PCDH15: variants seen among roughly 807,000 people sequenced by gnomAD.
PCDH15 encodes the protein protocadherin-15.
A neutral mutation model predicts 178.5 loss-of-function variants in PCDH15; 129 were observed. The ratio of observed to expected loss-of-function variants is 0.72; its 90% CI spans 0.63 to 0.84. The LOEUF is 0.84. PCDH15 is among the 40% of genes least tolerant of loss of function. The pLI is 0.00. For missense variants in PCDH15, 2,230 were observed against 2,099.9 expected (o/e 1.06, Z -1.21); for synonymous variants, 800 against 732.0 (o/e 1.09, Z -1.50).
chr10:54,655,902 G>T (rs1490163579), intron 2 of PCDH15: 12 of 151,996 alleles, frequency 7.9e-5, no homozygotes, highest in Admixed American at 7.9e-4. Flanking sequence ...AAAATTATTG[G>T]AGTTAACATT....
At chr10:53,953,342 T>G (rs1460465009) in intron 23 of PCDH15, among the ~76,000 whole-genome samples, 1 of 152,236 alleles carries the variant, frequency 6.6e-6, no homozygotes, top group African/African-American at 2.4e-5. Flanking sequence ...AAAAGATTGA[T>G]GTGAAAAGGT....
chr10:54,232,331 C>A (rs984740308), intron 9 of PCDH15, among the ~76,000 whole-genome samples: 24 of 152,172 alleles, frequency 1.6e-4, no homozygotes, highest in African/African-American at 5.6e-4. Flanking sequence ...TTGAAAGTTT[C>A]CTGAGGCTTC....
At chr10:53,964,750 G>A (rs1254915592) in intron 21 of PCDH15, among the ~76,000 whole-genome samples, 1 of 152,016 alleles carries the variant, frequency 6.6e-6, no homozygotes, top group South Asian at 2.1e-4. Context: ...AAGATTTATA[G>A]AAACAAGGAC....
intron 1 of PCDH15, among the ~76,000 whole-genome samples, chr10:55,279,342 C>T (rs1392303732): frequency 6.6e-6 from 1 of 152,132 alleles, no homozygotes; most frequent in Non-Finnish European, 1.5e-5. Context: ...CAGAAAAGTA[C>T]AGCAAGGACA....
At chr10:55,536,136 T>C (rs878868388) in intron 2 of PCDH15, among the ~76,000 whole-genome samples, 1 of 152,116 alleles carries the variant, frequency 6.6e-6, no homozygotes, top group Non-Finnish European at 1.5e-5. Flanking sequence ...AATTTTAAGA[T>C]GCCTAAAGGA....
intron 24 of PCDH15, among the ~76,000 whole-genome samples, chr10:53,939,505 G>A (rs1280186829): frequency 6.6e-6 from 1 of 151,764 alleles, no homozygotes; most frequent in African/African-American, 2.4e-5. Flanking sequence ...TGAAAATCAG[G>A]GCACTTTGGT....
intron 22 of PCDH15, 86 bp downstream of exon 22, chr10:53,961,666 A>C: frequency 9.9e-7 from 1 of 1,010,280 alleles, no homozygotes; most frequent in South Asian, 2.9e-5. Flanking sequence ...AAATTGAAAG[A>C]AAAAAATGTG....
chr10:54,692,153 T>G (rs1336196), intron 1 of PCDH15, among the ~76,000 whole-genome samples: 79,355 of 151,894 alleles, frequency 0.52, 21,555 homozygotes, highest in Non-Finnish European at 0.61. Context: ...ATTATATTAT[T>G]ATATTCATCT....
At chr10:53,976,582 A>C (rs2090200456) in intron 21 of PCDH15, among the ~76,000 whole-genome samples, 1 of 152,120 alleles carries the variant, frequency 6.6e-6, no homozygotes, top group African/African-American at 2.4e-5. Flanking sequence ...AAACTACTCT[A>C]TCACTATTAT....
intron 9 of PCDH15, among the ~76,000 whole-genome samples, chr10:54,225,359 C>G: frequency 6.6e-6 from 1 of 152,208 alleles, no homozygotes; most frequent in Non-Finnish European, 1.5e-5. Context: ...ACTAATAGAA[C>G]CAACATTTTT....
intron 1 of PCDH15, among the ~76,000 whole-genome samples, chr10:54,702,543 C>CAAAAAA (rs375110960): frequency 6.4e-5 from 8 of 125,662 alleles, no homozygotes; most frequent in Admixed American, 1.7e-4. Context: ...CACAGAAATA[C>CAAAAAA]AAAAAAAAAA....
intron 2 of PCDH15, among the ~76,000 whole-genome samples, chr10:55,006,581 T>G (rs1839932966): frequency 6.6e-6 from 1 of 151,646 alleles, no homozygotes; most frequent in Non-Finnish European, 1.5e-5. Flanking sequence ...TAAGTCTTTA[T>G]GATAGTGAGT....
intron 1 of PCDH15, among the ~76,000 whole-genome samples, chr10:54,768,040 C>T (rs1255748892): frequency 6.6e-6 from 1 of 152,092 alleles, no homozygotes; most frequent in Non-Finnish European, 1.5e-5. Context: ...AACCTGTATG[C>T]TGGGGTCATA....
intron 28 of PCDH15, among the ~76,000 whole-genome samples, chr10:53,842,803 C>G (rs544768024): frequency 2.6e-5 from 4 of 152,070 alleles, no homozygotes; most frequent in Non-Finnish European, 5.9e-5. Context: ...CAAATCAAAA[C>G]GCAAACAGGA....
At chr10:55,227,633 C>T (rs531379816) in intron 1 of PCDH15, among the ~76,000 whole-genome samples, 39 of 152,092 alleles carry the variant, frequency 2.6e-4, no homozygotes, top group African/African-American at 9.2e-4. Flanking sequence ...CATAAGAGGT[C>T]TATTGAGAAC....
intron 8 of PCDH15, among the ~76,000 whole-genome samples, chr10:54,295,467 C>A (rs1427793047): frequency 6.6e-6 from 1 of 152,172 alleles, no homozygotes; most frequent in Non-Finnish European, 1.5e-5. Context: ...TGCAATAAAT[C>A]TTGCTGGTGC....
chr10:55,491,192 A>C (rs1486314064), intron 2 of PCDH15, among the ~76,000 whole-genome samples: 1 of 151,732 alleles, frequency 6.6e-6, no homozygotes, highest in African/African-American at 2.4e-5. Flanking sequence ...CGTGTGGTCA[A>C]GAAGACAGAG....
At chr10:55,286,667 G>A (rs1280871687) in intron 1 of PCDH15, among the ~76,000 whole-genome samples, 5 of 151,824 alleles carry the variant, frequency 3.3e-5, no homozygotes, top group Non-Finnish European at 7.4e-5. Context: ...CCAAGTCTGA[G>A]GCCAAAATGA....
intron 2 of PCDH15, among the ~76,000 whole-genome samples, chr10:54,564,955 A>G (rs886777081): frequency 6.6e-6 from 1 of 152,208 alleles, no homozygotes; most frequent in Non-Finnish European, 1.5e-5. Flanking sequence ...TAAGAGAGAC[A>G]ATATGTCACT....
Sources: allele counts gnomAD v4.1 joint callset (sites outside exome capture counted in the v4.1 genomes callset), GRCh38; gene constraint gnomAD v4.1.1; transcripts MANE v1.5; gene names NCBI Gene and HGNC (gene_info 2026-07-23, HGNC 2026-07-21).